ENTREP2: variants seen among roughly 807,000 people sequenced by gnomAD.
ENTREP2 encodes endosomal transmembrane epsin interactor 2.
At chr15:29,441,079 A>G in the ENTREP2 span, among the ~76,000 whole-genome samples, 107,036 of 152,140 alleles carry the variant, frequency 0.7, 38,190 homozygotes, top group African/African-American at 0.84. Flanking sequence ...TCCATCCACA[A>G]ATGCGTGCAT....
the ENTREP2 span, among the ~76,000 whole-genome samples, chr15:29,201,898 A>G: frequency 2.0e-5 from 3 of 152,184 alleles, no homozygotes; most frequent in African/African-American, 7.2e-5. Flanking sequence ...AACCATCTGG[A>G]CCTGGAGATT....
chr15:29,503,661 C>A, the ENTREP2 span, among the ~76,000 whole-genome samples: 1 of 152,014 alleles, frequency 6.6e-6, no homozygotes, highest in African/African-American at 2.4e-5. Flanking sequence ...TATGCTAGAG[C>A]AAGTAAAGCT....
chr15:29,191,369 T>A, the ENTREP2 span, among the ~76,000 whole-genome samples: 1 of 151,904 alleles, frequency 6.6e-6, no homozygotes, highest in African/African-American at 2.4e-5. Context: ...AGAAAAGGGA[T>A]CTGAAAAAGA....
At chr15:29,365,863 A>G in the ENTREP2 span, among the ~76,000 whole-genome samples, 1 of 152,008 alleles carries the variant, frequency 6.6e-6, no homozygotes. Context: ...CTGTTTGTTA[A>G]AGACTCAGAA....
At chr15:29,665,884 C>T in the ENTREP2 span, among the ~76,000 whole-genome samples, 1 of 141,182 alleles carries the variant, frequency 7.1e-6, no homozygotes, top group African/African-American at 2.7e-5. Flanking sequence ...GCCAGAGTCT[C>T]GCTCTGTCTC....
the ENTREP2 span, among the ~76,000 whole-genome samples, chr15:29,156,420 T>G: frequency 6.6e-6 from 1 of 152,100 alleles, no homozygotes; most frequent in Non-Finnish European, 1.5e-5. Context: ...ACTCCTGACC[T>G]CAGGTGATCC....
the ENTREP2 span, among the ~76,000 whole-genome samples, chr15:29,514,634 T>TGTA: frequency 6.6e-6 from 1 of 152,182 alleles, no homozygotes; most frequent in African/African-American, 2.4e-5. Context: ...CCACCTTCTC[T>TGTA]GTAGGGGGGA....
the ENTREP2 span, chr15:29,233,747 G>A: frequency 6.7e-7 from 1 of 1,482,762 alleles, no homozygotes; most frequent in East Asian, 2.3e-5. Flanking sequence ...GTTAACCACA[G>A]AAGAAGGTGA....
chr15:29,128,869 A>G, the ENTREP2 span: 1 of 1,548,538 alleles, frequency 6.5e-7, no homozygotes, highest in Non-Finnish European at 8.7e-7. Flanking sequence ...TGTAACCTAC[A>G]GTAAGAAACA....
the ENTREP2 span, among the ~76,000 whole-genome samples, chr15:29,195,856 A>G: frequency 6.6e-6 from 1 of 152,244 alleles, no homozygotes; most frequent in Non-Finnish European, 1.5e-5. Flanking sequence ...GTTTTGGCAC[A>G]GTTTTATTCA....
chr15:29,376,941 T>G, the ENTREP2 span: 2 of 152,230 alleles, frequency 1.3e-5, no homozygotes, highest in Non-Finnish European at 2.9e-5. Context: ...TGCAAAGACC[T>G]TGGAGCTGTG....
chr15:29,407,769 G>C, the ENTREP2 span, among the ~76,000 whole-genome samples: 1 of 152,052 alleles, frequency 6.6e-6, no homozygotes, highest in African/African-American at 2.4e-5. Context: ...CCAATCAAGC[G>C]ATTCTCCTGC....
the ENTREP2 span, among the ~76,000 whole-genome samples, chr15:29,542,243 G>A: frequency 1.3e-5 from 2 of 152,028 alleles, no homozygotes; most frequent in African/African-American, 2.4e-5. Context: ...TCAAACTCCC[G>A]ACCTCAGGTG....
the ENTREP2 span, among the ~76,000 whole-genome samples, chr15:29,478,319 G>A: frequency 3.3e-5 from 5 of 151,896 alleles, no homozygotes; most frequent in South Asian, 4.2e-4. Context: ...GAGCCACCGC[G>A]TCCAGCCTAA....
chr15:29,207,074 A>T, the ENTREP2 span, among the ~76,000 whole-genome samples: 1 of 152,154 alleles, frequency 6.6e-6, no homozygotes, highest in Non-Finnish European at 1.5e-5. Flanking sequence ...CAGCTCCTGC[A>T]GCAGTGCCCT....
At chr15:29,422,771 A>C in the ENTREP2 span, among the ~76,000 whole-genome samples, 1 of 152,216 alleles carries the variant, frequency 6.6e-6, no homozygotes, top group Non-Finnish European at 1.5e-5. Flanking sequence ...TGTGAAACTT[A>C]GGTAAGAGAG....
chr15:29,144,284 G>A, the ENTREP2 span, among the ~76,000 whole-genome samples: 737 of 152,258 alleles, frequency 4.8e-3, 6 homozygotes, highest in African/African-American at 0.017. Flanking sequence ...CTTAAATCCT[G>A]TATATGTGGA....
the ENTREP2 span, among the ~76,000 whole-genome samples, chr15:29,649,847 C>T: frequency 4.0e-4 from 61 of 152,158 alleles, no homozygotes; most frequent in Non-Finnish European, 8.1e-4. Flanking sequence ...AGGATGGCCT[C>T]TTGCTTACAC....
chr15:29,318,492 T>C, the ENTREP2 span, among the ~76,000 whole-genome samples: 1 of 152,064 alleles, frequency 6.6e-6, no homozygotes, highest in Admixed American at 6.6e-5. Flanking sequence ...GGCTAATTTT[T>C]TGTATTTTTA....
Sources: gnomAD v4.1 joint callset for allele counts (sites outside exome capture counted in the v4.1 genomes callset) on GRCh38, gnomAD v4.1.1 for gene constraint, MANE v1.5 for transcripts, NCBI Gene and HGNC (gene_info 2026-07-23, HGNC 2026-07-21) for gene names.